The following MUC3A variants were observed in gnomAD, a reference collection of about 807,000 sequenced individuals.
MUC3A encodes the protein mucin 3A, cell surface associated.
MUC3A carries 109 observed loss-of-function variants against 109.0 expected under a neutral mutation model. The observed-to-expected ratio is 1.00, with a 90% CI of 0.86 to 1.17. The LOEUF (loss-of-function observed/expected upper bound fraction) is 1.17. Ranked by LOEUF, MUC3A falls within the 50% of genes most tolerant of loss-of-function variation. MUC3A has a pLI of 0.00. For synonymous variants in MUC3A, 1,398 were observed against 981.4 expected, an observed-to-expected ratio of 1.42 and a Z score of -7.93; for missense variants, 3,537 against 2,469.4, an observed-to-expected ratio of 1.43 and a Z score of -9.16.
chr7:100,964,217 A>T lies in MUC3A; in HGVS notation c.9233+465A>T, dbSNP rs1355578146. ...TTTGGGTAGGCTAGGCGGGTGGATC[A>T]CCTGAAAGCAGTTCAAGACCAGCCT... On this transcript the variant is annotated intron_variant, in intron 5 of 11. Transcript: ENST00000379458. The T allele has an allele frequency of 2.8e-5, 6 of 218,016 alleles. No individual in the cohort carries two copies. In the East Asian group the frequency reaches 7.0e-4, roughly 25 times the overall value. The allele number at this position is 218,016 out of a possible 1,614,324, so 13.5% of individuals were successfully genotyped here.
At position 100,957,849 on chromosome 7, in the gene MUC3A, C is replaced by A; in HGVS notation, c.6070C>A (p.Pro2024Thr). ...CACTGAGACCACATCCCACAATACT[C>A]CCAGCTTGACTTCTTCGATCACAAC... is the stretch of plus-strand genomic sequence containing the variant. ...TTTETTSHNT[P>T]SLTSSITTTE... The change falls in exon 2 of 12, where the codon CCC (proline) becomes ACC (threonine). Residue 2024 changes from proline (P) to threonine (T), a missense_variant. Transcript: ENST00000379458. 6.1e-6 allele frequency: 3 copies of A among 492,258 alleles called. No homozygotes were observed. The Admixed American group carries it at 1.4e-4, about 23-fold the overall frequency. The allele number at this position is 492,258 out of a possible 1,614,324, so 30.5% of individuals were successfully genotyped here. A position where few individuals can be genotyped will look rare whatever the true frequency, so the allele number is the denominator to read the frequency against.
At position 100,954,487 on chromosome 7, in the gene MUC3A, G is replaced by A; in HGVS notation, c.2708G>A (p.Ser903Asn). ...ACTCCAACAAGGTCCCTCCTGACAA[G>A]CTTTCCAATGACACATTCATTCTCT... ...ENTPTRSLLTSFPMTHSFSSS... is the reference protein window; with the variant it reads ...ENTPTRSLLTNFPMTHSFSSS... Residue 903 changes from serine to asparagine, a missense_variant, in exon 2 of 12, where the codon AGC becomes AAC. Coordinates refer to ENST00000379458, the MANE Select transcript of MUC3A (RefSeq NM_005960.2). The A allele has an allele frequency of 2.5e-6, 1 of 402,628 alleles. No homozygotes were observed. Among genetic ancestry groups the A allele is most frequent in the Non-Finnish European group, 4.4e-6 (1 of 229,060 alleles). The allele number at this position is 402,628 out of a possible 1,614,324, so 24.9% of individuals were successfully genotyped here.
At position 100,958,909 on chromosome 7, in the gene MUC3A, C is replaced by G; in HGVS notation, c.7130C>G (p.Ser2377Cys). 6.3e-7 allele frequency: 1 copy of G among 1,593,734 alleles called. No homozygotes were observed. The highest frequency in any genetic ancestry group is 8.5e-7 in the Non-Finnish European group (1 of 1,177,036). ...TCACACAGTACTCCCAGCTTCAGTT[C>G]TTCAATCACCACCACTGAGACCCCC... ...TTSHSTPSFS[S>C]SITTTETPLH... The change falls in exon 2 of 12, where the codon TCT becomes TGT. Residue 2377 changes from serine to cysteine, a missense_variant. Physicochemically the swap from Ser to Cys is moderately radical, Grantham distance 112 (BLOSUM62 -1). Coordinates refer to ENST00000379458, the MANE Select transcript of MUC3A (RefSeq NM_005960.2).
Position 100,965,772 on chromosome 7 carries a change from C to T in MUC3A, c.9517C>T (p.Leu3173Phe). 1 of 1,597,956 alleles carries T rather than the reference C, an allele frequency of 6.3e-7. No homozygotes were observed. Among genetic ancestry groups the T allele is most frequent in the East Asian group, 2.2e-5 (1 of 44,884 alleles). ...CTTCCCCTTGGTGGAGGCCACCCGGCTCCGCTGTGTCACCAAATGCACGTC... is the reference window on the plus strand; with the variant it reads ...CTTCCCCTTGGTGGAGGCCACCCGGTTCCGCTGTGTCACCAAATGCACGTC... ...FYFPLVEATR[L>F]RCVTKCTSGV... Residue 3173 changes from leucine (L) to phenylalanine (F), a missense_variant, in exon 8 of 12, where the codon CTC becomes TTC. By Grantham distance (22) the Leu-to-Phe change is conservative (BLOSUM62 0). Coordinates refer to ENST00000379458, the MANE Select transcript of MUC3A (RefSeq NM_005960.2).
rs146166922 is a variant in MUC3A at position 100,952,931 on chromosome 7, G to A, written c.1152G>A (p.Met384Ile). The part of the protein sequence containing the change: ...LPTTETATTP[M>I]TNLVTTTTEI... ...CCACAGAAACAGCCACGACTCCTAT[G>A]ACAAACTTGGTAACCACCACCACTG... The change falls in exon 2 of 12, where the codon ATG becomes ATA. Residue 384 changes from methionine (M) to isoleucine (I), a missense_variant. Transcript: ENST00000379458. The A allele has an allele frequency of 1.4e-6, 2 of 1,428,636 alleles. No homozygotes were observed. The highest frequency in any genetic ancestry group is 1.5e-5 in the South Asian group (1 of 66,006). The allele number at this position is 1,428,636 out of a possible 1,614,324, so 88.5% of individuals were successfully genotyped here. A position where few individuals can be genotyped will look rare whatever the true frequency, so the allele number is the denominator to read the frequency against.
chr7:100,952,027 A>G lies in MUC3A; in HGVS notation c.248A>G (p.His83Arg). The G allele has an allele frequency of 1.9e-6, 3 of 1,598,672 alleles. No individual in the cohort carries two copies. The highest frequency in any genetic ancestry group is 1.1e-5 in the South Asian group (1 of 91,092). ...NAPMTLTTSP[H>R]DTLISETLLN... ...CCTATGACACTCACTACCTCCCCCC[A>G]TGACACACTCATCTCTGAAACATTG... Residue 83 changes from histidine to arginine, a missense_variant, in exon 2 of 12, where the codon CAT becomes CGT. Coordinates refer to ENST00000379458, the MANE Select transcript of MUC3A (RefSeq NM_005960.2).
At chr7:100,962,674 TTTTCTTTCTCTTTTTCTTTC>T (rs1792368735) in intron 3 of MUC3A, among the ~76,000 whole-genome samples, 1 of 144,154 alleles carries the variant, frequency 6.9e-6, no homozygotes, top group African/African-American at 2.5e-5. Flanking sequence ...TCTTTTCTTT[TTTTCTTTCTCTTTTTCTTTC>T]TTTCTTTCTC....
At chr7:100,950,702 A>G (rs1356020726) in intron 1 of MUC3A, among the ~76,000 whole-genome samples, 1 of 152,306 alleles carries the variant, frequency 6.6e-6, no homozygotes, top group African/African-American at 2.4e-5. Flanking sequence ...TCTGATCCTA[A>G]CTCTGACAAA....
Position 100,952,901 on chromosome 7 carries a change from C to T in MUC3A, c.1122C>T (p.Leu374=). The T allele has an allele frequency of 7.5e-6, 11 of 1,460,564 alleles. No homozygotes were observed. Among genetic ancestry groups the T allele is most frequent in the Non-Finnish European group, 9.0e-6 (10 of 1,111,236 alleles). 90.5% of individuals were successfully genotyped at this position (1,460,564 alleles called of 1,614,324 possible). Residue 374 remains leucine, a synonymous_variant, in exon 2 of 12, where the codon CTC becomes CTT. Transcript: ENST00000379458. ...ETSLPPTSSS[L]PTTETATTPM... ...CTCTCCCACCCACCTCTTCCTCTCT[C>T]CCAACCACAGAAACAGCCACGACTC...
Position 100,958,684 on chromosome 7 carries a change from A to T in MUC3A, c.6905A>T (p.His2302Leu). The T allele has an allele frequency of 6.3e-7, 1 of 1,583,496 alleles. No homozygotes were observed. Among genetic ancestry groups the T allele is most frequent in the East Asian group, 2.2e-5 (1 of 44,584 alleles). Residue 2302 changes from histidine (H) to leucine (L), a missense_variant, in exon 2 of 12, where the codon CAC becomes CTC. Transcript: ENST00000379458. ...SLITTTKTTS[H>L]STPSFTSSIT... ...ATCACCACCACCAAGACCACCTCACACAGTACTCCCAGCTTCACTTCTTCG... is the reference window on the plus strand; with the variant it reads ...ATCACCACCACCAAGACCACCTCACTCAGTACTCCCAGCTTCACTTCTTCG...
rs1160235079 is a variant in MUC3A, at chr7:100,954,113, TTCTTCAACCG to T, written c.2338_2347del (p.Ser780ThrfsTer22). Reference sequence around the variant, plus strand: ...CCTCACATAGTACCACCAGCTTCACTTCTTCAACCGTCTACTCCACAGCCAGCACATACAC... The same window carrying T: ...CCTCACATAGTACCACCAGCTTCACTTCTACTCCACAGCCAGCACATACAC... On this transcript the variant is annotated frameshift_variant, in exon 2 of 12. Transcript: ENST00000379458. LOFTEE classifies it high-confidence loss of function. The T allele has an allele frequency of 3.4e-6, 2 of 591,618 alleles. No homozygotes were observed. The highest frequency in any genetic ancestry group is 3.8e-5 in the African/African-American group (2 of 52,860). 36.6% of individuals were successfully genotyped at this position (591,618 alleles called of 1,614,324 possible).
At position 100,967,575 on chromosome 7, in the gene MUC3A, G is replaced by C; in HGVS notation, c.*413G>C. The C allele has an allele frequency of 2.5e-6, 1 of 399,458 alleles. No homozygotes were observed. The highest frequency in any genetic ancestry group is 4.4e-5 in the South Asian group (1 of 22,680). 24.7% of individuals were successfully genotyped at this position (399,458 alleles called of 1,614,324 possible). A position where few individuals can be genotyped will look rare whatever the true frequency, so the allele number is the denominator to read the frequency against. On this transcript the variant is annotated 3_prime_UTR_variant, in exon 12 of 12. Transcript: ENST00000379458. Reference sequence around the variant, plus strand: ...CCTCCAATCCTCACGTCCTTCACCTGGTCTCTGGCCCTGGTTCTTATTTTC... The same window carrying C: ...CCTCCAATCCTCACGTCCTTCACCTCGTCTCTGGCCCTGGTTCTTATTTTC...
Position 100,963,601 on chromosome 7 carries a change from G to A in MUC3A, c.9169-87G>A. 1.9e-6 allele frequency: 3 copies of A among 1,588,504 alleles called. No homozygotes were observed. In the South Asian group the frequency reaches 3.3e-5, roughly 18 times the overall value. On this transcript the variant is annotated intron_variant, in intron 4 of 11. Transcript: ENST00000379458. Reference sequence around the variant, plus strand: ...CACCCGGCCGGGGAGGGGAATTGAAGGGTCTTCCCTGGAGCTGGGGTTGGG... The same window carrying A: ...CACCCGGCCGGGGAGGGGAATTGAAAGGTCTTCCCTGGAGCTGGGGTTGGG...
Position 100,952,182 on chromosome 7 carries a change from A to C in MUC3A, c.403A>C (p.Ile135Leu), listed in dbSNP as rs758814418. Residue 135 changes from isoleucine (I) to leucine (L), a missense_variant, in exon 2 of 12, where the codon ATA (isoleucine) becomes CTA (leucine). By Grantham distance (5) the Ile-to-Leu change is conservative. Transcript: ENST00000379458. Reference sequence around the variant, plus strand: ...TGAGTGCGTGTATCCAACGAGCTTTATAATCACCATCTCCCACCCCACCTC... The same window carrying C: ...TGAGTGCGTGTATCCAACGAGCTTTCTAATCACCATCTCCCACCCCACCTC... Reference protein sequence around the residue: ...TTECVYPTSFIITISHPTSIC... With the variant: ...TTECVYPTSFLITISHPTSIC... 6.3e-7 allele frequency: 1 copy of C among 1,598,528 alleles called. No individual in the cohort carries two copies. The highest frequency in any genetic ancestry group is 1.1e-5 in the South Asian group (1 of 91,090).
chr7:100,960,472 G>T lies in MUC3A; in HGVS notation c.8693G>T (p.Ser2898Ile). ...TIPLTMKPSSSLPTILRTSSK... is the reference protein window; with the variant it reads ...TIPLTMKPSSILPTILRTSSK... ...CCGCTCACCATGAAACCAAGCAGTA[G>T]CCTCCCGACCATCCTGAGGACTTCA... Residue 2898 changes from serine (S) to isoleucine (I), a missense_variant, in exon 2 of 12, where the codon AGC becomes ATC. Coordinates refer to ENST00000379458, the MANE Select transcript of MUC3A (RefSeq NM_005960.2). The T allele has an allele frequency of 6.3e-7, 1 of 1,598,646 alleles. No individual in the cohort carries two copies. Among genetic ancestry groups the T allele is most frequent in the Non-Finnish European group, 8.5e-7 (1 of 1,179,832 alleles).
chr7:100,965,122 G>C, intron 6 of MUC3A, 160 bp from the exon 7 acceptor site: 1 of 1,179,084 alleles, frequency 8.5e-7, no homozygotes, highest in South Asian at 1.4e-5. Context: ...CAGGCAACAG[G>C]AGTCTTCGCC....
chr7:100,963,286 G>T lies in MUC3A; in HGVS notation c.9168+20G>T, dbSNP rs1369653570. The T allele has an allele frequency of 1.3e-6, 2 of 1,494,752 alleles. No individual in the cohort carries two copies. The highest frequency in any genetic ancestry group is 1.2e-5 in the South Asian group (1 of 82,120). The allele number at this position is 1,494,752 out of a possible 1,614,324, so 92.6% of individuals were successfully genotyped here. ...AATCAGGTAAAGGGCAAAGAGAGGG[G>T]ATTTTTTTTTTTTTTTTGAGGTGTA... On this transcript the variant is annotated intron_variant, in intron 4 of 11. Transcript: ENST00000379458.
In MUC3A at chr7:100,960,286, C is replaced by T. The variant is rs774677765; in HGVS notation, c.8507C>T (p.Pro2836Leu). Residue 2836 changes from proline (P) to leucine (L), a missense_variant, in exon 2 of 12, where the codon CCA (proline) becomes CTA (leucine). Pro to Leu is a moderately conservative substitution (Grantham distance 98, BLOSUM62 -3). Coordinates refer to ENST00000379458, the MANE Select transcript of MUC3A (RefSeq NM_005960.2). Reference protein sequence around the residue: ...TTYMDTSSMMPESESSISPNA... With the variant: ...TTYMDTSSMMLESESSISPNA... ...TATATGGACACTTCTTCCATGATGC[C>T]AGAAAGTGAGTCCAGCATCTCACCC... 3 of 1,598,434 alleles carry T rather than the reference C, an allele frequency of 1.9e-6. No homozygotes were observed. The highest frequency in any genetic ancestry group is 1.1e-5 in the South Asian group (1 of 91,096).
intron 8 of MUC3A, 142 bp from the exon 9 acceptor site, chr7:100,966,244 T>TCCGCTTGTTCTACGGTGGA: frequency 2.5e-6 from 1 of 395,248 alleles, no homozygotes. Context: ...CTAGGGTGGA[T>TCCGCTTGTTCTACGGTGGA]TCCCAGCCCC....
Sources: gnomAD v4.1 joint callset for allele counts (sites outside exome capture counted in the v4.1 genomes callset) on GRCh38, gnomAD v4.1.1 for gene constraint, MANE v1.5 for transcripts, NCBI Gene and HGNC (gene_info 2026-07-23, HGNC 2026-07-21) for gene names.